Variants in MIA2 observed in about 807,000 individuals in gnomAD.
MIA2 encodes the protein melanoma inhibitory activity protein 2.
A neutral mutation model predicts 167.8 loss-of-function variants in MIA2; 127 were observed. That is an observed-to-expected ratio of 0.76 (90% CI 0.66 to 0.88). The LOEUF is 0.88. MIA2 is among the 40% of genes least tolerant of loss of function. MIA2 has a pLI of 0.00. For missense variants in MIA2, 1,690 were observed against 1,624.7 expected (o/e 1.04, Z -0.69); for synonymous variants, 552 against 541.9 (o/e 1.02, Z -0.26).
chr14:39,332,178 A>C (rs116519297), intron 25 of MIA2, among the ~76,000 whole-genome samples: 2,664 of 152,086 alleles, frequency 0.018, 54 homozygotes, highest in African/African-American at 0.053. Context: ...TTCACGCTTT[A>C]TTTTAGTAAG....
chr14:39,319,310 C>A lies in MIA2; in HGVS notation c.3367+19C>A, dbSNP rs192431843. The A allele has an allele frequency of 1.5e-6, 2 of 1,323,608 alleles. No individual in the cohort carries two copies. Among genetic ancestry groups the A allele is most frequent in the African/African-American group, 1.5e-5 (1 of 67,278 alleles). The allele number at this position is 1,323,608 out of a possible 1,614,324, so 82.0% of individuals were successfully genotyped here. A position where few individuals can be genotyped will look rare whatever the true frequency, so the allele number is the denominator to read the frequency against. On this transcript the variant is annotated intron_variant, in intron 23 of 28. Coordinates refer to ENST00000640607, the MANE Select transcript of MIA2 (RefSeq NM_001329214.4). ...GGCAGAGGTAGTCTTTTTTTTTTTA[C>A]CCCTCATTTAAAATACATATTTTAC...
rs186855127 is a variant in MIA2, at chr14:39,297,456, A to T, written c.2497-2408A>T. On this transcript the variant is annotated intron_variant, in intron 13 of 28. Transcript: ENST00000640607. ...GTATCTGAAGAGCATTTCCACAGGG[A>T]TGAGTCCTCCACATTTCCCATTTGG... Among the ~76,000 whole-genome samples, 610 of 152,296 alleles carry T rather than the reference A, an allele frequency of 4.0e-3. 2 individuals are homozygous for T. Among genetic ancestry groups the T allele is most frequent in the Non-Finnish European group, 6.2e-3 (424 of 68,024 alleles).
chr14:39,248,994 C>T (rs986828108), intron 4 of MIA2, among the ~76,000 whole-genome samples: 10 of 152,220 alleles, frequency 6.6e-5, no homozygotes, highest in Middle Eastern at 3.4e-3. Context: ...CCCACTCAGC[C>T]GCCCAAACTG....
chr14:39,375,639 G>A (rs966002782), intron 23 of MIA2, among the ~76,000 whole-genome samples: 1 of 152,236 alleles, frequency 6.6e-6, no homozygotes, highest in Non-Finnish European at 1.5e-5. Context: ...AGAAGTTGCA[G>A]TGAGTGGAGA....
At chr14:39,299,305 CT>C (rs34424266) in intron 13 of MIA2, among the ~76,000 whole-genome samples, 3,549 of 94,896 alleles carry the variant, frequency 0.037, 55 homozygotes, top group African/African-American at 0.13. Context: ...AATGGTATTT[CT>C]TTTTTTTTTT....
At chr14:39,327,092 G>T in intron 25 of MIA2, 70 bp downstream of exon 25, 8 of 1,210,144 alleles carry the variant, frequency 6.6e-6, no homozygotes, top group Non-Finnish European at 8.8e-6. Flanking sequence ...AGGAATGGAA[G>T]AAGGGAGGAG....
At chr14:39,381,026 A>C (rs796250342) in intron 23 of MIA2, among the ~76,000 whole-genome samples, 88 of 148,320 alleles carry the variant, frequency 5.9e-4, no homozygotes, top group African/African-American at 1.4e-3. Flanking sequence ...AAAAAACAAA[A>C]AAAAAAAAAA....
At chr14:39,296,860 C>T (rs560055046) in intron 13 of MIA2, among the ~76,000 whole-genome samples, 12 of 151,770 alleles carry the variant, frequency 7.9e-5, no homozygotes, top group African/African-American at 2.9e-4. Flanking sequence ...ACTGCAACCT[C>T]CACCTCCCGC....
In MIA2 at chr14:39,345,977, T is replaced by A; in HGVS notation, c.3729T>A (p.Ser1243=). The A allele has an allele frequency of 6.2e-7, 1 of 1,611,912 alleles. No individual in the cohort carries two copies. Among genetic ancestry groups the A allele is most frequent in the Non-Finnish European group, 8.5e-7 (1 of 1,178,250 alleles). ...DRFCSNSGRL[S]GPAELRSFNM... ...TTTGTTCTAATTCTGGTAGACTGTC[T>A]GGACCAGCAGAACTCAGAAGTTTTA... Residue 1243 remains serine, a synonymous_variant, in exon 26 of 29, where the codon TCT becomes TCA. Coordinates refer to ENST00000640607, the MANE Select transcript of MIA2 (RefSeq NM_001329214.4).
Position 39,298,433 on chromosome 14 carries a change from ATATATATAT to A in MIA2, c.2497-1430_2497-1422del, listed in dbSNP as rs1329768919. On this transcript the variant is annotated intron_variant, in intron 13 of 28. Transcript: ENST00000640607. ...CTGTTTTATATATATATATATATAT[ATATATATAT>A]AAAGATTAGTTTTTCATGTGTTCGG... 2.8e-3 allele frequency among the ~76,000 whole-genome samples: 52 copies of A among 18,674 alleles called. 6 individuals carry two copies. In the South Asian group the frequency reaches 0.041, roughly 15 times the overall value. The allele number at this position is 18,674 out of a possible 152,430, so 12.3% of individuals were successfully genotyped here. A position where few individuals can be genotyped will look rare whatever the true frequency, so the allele number is the denominator to read the frequency against.
At chr14:39,348,640 T>C (rs1248826486) in intron 27 of MIA2, 103 bp from the exon 28 acceptor site, 1 of 1,479,330 alleles carries the variant, frequency 6.8e-7, no homozygotes, top group Non-Finnish European at 9.4e-7. Context: ...AAGACTATCA[T>C]GGAATGCTTT....
intron 16 of MIA2, among the ~76,000 whole-genome samples, chr14:39,303,770 A>G (rs544017294): frequency 6.6e-6 from 1 of 152,108 alleles, no homozygotes; most frequent in Non-Finnish European, 1.5e-5. Context: ...ATAAGACTAT[A>G]TTTAAAATGT....
chr14:39,256,546 C>A (rs939876399), intron 6 of MIA2, among the ~76,000 whole-genome samples: 12 of 151,512 alleles, frequency 7.9e-5, no homozygotes, highest in Non-Finnish European at 2.9e-5. Flanking sequence ...GTGATTCCAT[C>A]ACATCAAAAG....
exon 24 of MIA2, chr14:39,386,995 C>T (rs1277984666): frequency 4.0e-6 from 3 of 756,020 alleles, no homozygotes; most frequent in Non-Finnish European, 6.9e-6. Flanking sequence ...TCTGTGACGA[C>T]TCGTATCTGT....
intron 6 of MIA2, among the ~76,000 whole-genome samples, chr14:39,259,162 C>CAGGA (rs1244019351): frequency 6.6e-6 from 1 of 152,238 alleles, no homozygotes; most frequent in Non-Finnish European, 1.5e-5. Context: ...AGCCGGCAGG[C>CAGGA]AGGAACGATT....
At chr14:39,383,567 C>G (rs1325780375) in intron 23 of MIA2, among the ~76,000 whole-genome samples, 1 of 152,178 alleles carries the variant, frequency 6.6e-6, no homozygotes, top group Non-Finnish European at 1.5e-5. Context: ...TCTCTCACTT[C>G]AAATCAAAAG....
chr14:39,363,736 C>A (rs1426205758), intron 23 of MIA2, among the ~76,000 whole-genome samples: 1 of 152,138 alleles, frequency 6.6e-6, no homozygotes. Context: ...TAATCTCTTG[C>A]TGAATTGATT....
intron 6 of MIA2, among the ~76,000 whole-genome samples, chr14:39,271,739 G>A (rs528039377): frequency 7.9e-5 from 12 of 151,720 alleles, no homozygotes; most frequent in Non-Finnish European, 1.2e-4. Context: ...AGACCAGCCC[G>A]GGCAACTTGG....
At position 39,311,978 on chromosome 14, in the gene MIA2, C is replaced by T. The variant is rs185282657; in HGVS notation, c.3018-1362C>T. ...CCGAGTAGCTGGGATTACAGGTGCG[C>T]GCCACCATGCCTGCCTAATTTTTGT... is the stretch of plus-strand genomic sequence containing the variant. On this transcript the variant is annotated intron_variant, in intron 18 of 28. Transcript: ENST00000640607. Among the ~76,000 whole-genome samples, 16 of 150,638 alleles carry T rather than the reference C, an allele frequency of 1.1e-4. No homozygotes were observed. The East Asian group carries it at 1.6e-3, about 15-fold the overall frequency.
Sources: allele counts gnomAD v4.1 joint callset (sites outside exome capture counted in the v4.1 genomes callset), GRCh38; gene constraint gnomAD v4.1.1; transcripts MANE v1.5; gene names NCBI Gene and HGNC (gene_info 2026-07-23, HGNC 2026-07-21).